DLGAP1: variants seen among roughly 807,000 people sequenced by gnomAD.
The protein encoded by DLGAP1 is DLG associated protein 1, also known as disks large-associated protein 1.
Under a neutral mutation model 90.8 loss-of-function variants are expected in DLGAP1, and 11 were observed. That is an observed-to-expected ratio of 0.12 (90% CI 0.08 to 0.20). The LOEUF (loss-of-function observed/expected upper bound fraction) is 0.20, where lower values mean the gene tolerates loss of function less well. Among genes scored for constraint, DLGAP1 ranks in the 10% least tolerant of loss-of-function variants. The probability of loss-of-function intolerance (pLI) is 1.00; values close to 1 mark genes in which losing one functional copy is unlikely to be tolerated. For missense variants in DLGAP1, 1,050 were observed against 1,333.8 expected (o/e 0.79, Z 3.31); for synonymous variants, 558 against 540.7 (o/e 1.03, Z -0.44).
At chr18:4,410,908 C>A (rs1193914144) in intron 1 of DLGAP1, among the ~76,000 whole-genome samples, 1 of 152,192 alleles carries the variant, frequency 6.6e-6, no homozygotes, top group East Asian at 1.9e-4. Context: ...TTTCCCAGCT[C>A]CAGGAGTTTT....
chr18:3,543,289 G>T (rs2052807392), intron 9 of DLGAP1, among the ~76,000 whole-genome samples: 1 of 150,440 alleles, frequency 6.6e-6, no homozygotes, highest in Non-Finnish European at 1.5e-5. Context: ...TCCTGCCTCA[G>T]CCTCCCCCTT....
chr18:3,984,949 A>T lies in DLGAP1; in HGVS notation c.-73+20167T>A, dbSNP rs561876684. ...ACAGGTTTATTGACCCATCCCAACC[A>T]TGCCTTGTATTCACTCAGTGAGGAG... On this transcript the variant is annotated intron_variant, in intron 3 of 12. Coordinates refer to ENST00000315677, the MANE Select transcript of DLGAP1 (RefSeq NM_004746.4). Among the ~76,000 whole-genome samples, 57 of 152,020 alleles carry T rather than the reference A, an allele frequency of 3.7e-4. 1 individual carries two copies. The South Asian group carries it at 5.0e-3, about 13-fold the overall frequency.
intron 1 of DLGAP1, among the ~76,000 whole-genome samples, chr18:4,163,591 T>C (rs1161577888): frequency 1.3e-5 from 2 of 152,190 alleles, no homozygotes; most frequent in Non-Finnish European, 2.9e-5. Flanking sequence ...CCACTGCCAA[T>C]GTCATCACAA....
chr18:3,742,568 A>G (rs992103794), intron 5 of DLGAP1, 56 bp from the exon 6 acceptor site: 188 of 1,596,242 alleles, frequency 1.2e-4, no homozygotes, highest in Non-Finnish European at 1.3e-4. Flanking sequence ...GCAGGAAGCA[A>G]TAACATGTGG....
intron 8 of DLGAP1, chr18:3,571,407 C>T (rs1209608220): frequency 6.6e-6 from 1 of 152,014 alleles, no homozygotes; most frequent in Admixed American, 6.6e-5. Flanking sequence ...CTGTGGACAC[C>T]CCATCACTAT....
intron 4 of DLGAP1, among the ~76,000 whole-genome samples, chr18:3,852,102 C>A (rs1448266396): frequency 6.6e-6 from 1 of 151,816 alleles, no homozygotes; most frequent in Non-Finnish European, 1.5e-5. Context: ...AAGAAGAAAG[C>A]CAAAACAATG....
chr18:3,629,643 G>C (rs1169661668), intron 7 of DLGAP1, among the ~76,000 whole-genome samples: 1 of 152,042 alleles, frequency 6.6e-6, no homozygotes, highest in Non-Finnish European at 1.5e-5. Flanking sequence ...CCGCACTCCA[G>C]CCTGGGCAAC....
intron 1 of DLGAP1, among the ~76,000 whole-genome samples, chr18:4,235,106 A>T (rs1326979612): frequency 6.6e-6 from 1 of 152,030 alleles, no homozygotes; most frequent in African/African-American, 2.4e-5. Flanking sequence ...TCTCTCTTCG[A>T]ACACCCTACT....
intron 7 of DLGAP1, among the ~76,000 whole-genome samples, chr18:3,641,537 CAAAAAAA>C (rs576340963): frequency 1.6e-5 from 1 of 63,312 alleles, no homozygotes; most frequent in Non-Finnish European, 3.2e-5. Context: ...AACTCCGTCT[CAAAAAAA>C]AAAAAAAAAA....
intron 1 of DLGAP1, among the ~76,000 whole-genome samples, chr18:4,390,165 T>TG (rs1555611243): frequency 1.2e-4 from 4 of 32,500 alleles, no homozygotes; most frequent in Non-Finnish European, 3.3e-4. Flanking sequence ...ACAAATTGTG[T>TG]GAAAAAAAAA....
intron 7 of DLGAP1, among the ~76,000 whole-genome samples, chr18:3,714,970 G>A (rs2061715915): frequency 6.6e-6 from 1 of 152,166 alleles, no homozygotes; most frequent in Non-Finnish European, 1.5e-5. Flanking sequence ...CACTGCAGAT[G>A]TAGTTTCTCT....
Position 4,137,022 on chromosome 18 carries a change from GTA to G in DLGAP1, c.-159+14156_-159+14157del, listed in dbSNP as rs2076414129. Among the ~76,000 whole-genome samples, 2 of 152,004 alleles carry G rather than the reference GTA, an allele frequency of 1.3e-5. 1 individual carries two copies. The highest frequency in any genetic ancestry group is 4.2e-4 in the South Asian group (2 of 4,818). Reference sequence around the variant, plus strand: ...CCATTAACTCGTCATTTAACATTAGGTATATCTCCTAATGCTATCCCTCCCCC... The same window carrying G: ...CCATTAACTCGTCATTTAACATTAGGTATCTCCTAATGCTATCCCTCCCCC... On this transcript the variant is annotated intron_variant, in intron 2 of 12. Transcript: ENST00000315677.
intron 7 of DLGAP1, chr18:3,593,659 A>G (rs2056407561): frequency 6.6e-6 from 1 of 152,176 alleles, no homozygotes; most frequent in Admixed American, 6.5e-5. Flanking sequence ...AAGACACGCC[A>G]GTTGGTAGTT....
chr18:3,543,067 G>A (rs990949716), intron 9 of DLGAP1, among the ~76,000 whole-genome samples: 9 of 151,746 alleles, frequency 5.9e-5, no homozygotes, highest in Non-Finnish European at 8.8e-5. Context: ...TGTTATTGTT[G>A]TTAATAGTAG....
At chr18:3,705,568 G>T (rs1287638302) in intron 7 of DLGAP1, among the ~76,000 whole-genome samples, 1 of 151,376 alleles carries the variant, frequency 6.6e-6, no homozygotes, top group Non-Finnish European at 1.5e-5. Flanking sequence ...TTCACCAAGG[G>T]CCCAGGACTT....
At position 3,742,497 on chromosome 18, in the gene DLGAP1, G is replaced by A; in HGVS notation, c.1188C>T (p.His396=). 4 of 1,614,176 alleles carry A rather than the reference G, an allele frequency of 2.5e-6. No homozygotes were observed. Among genetic ancestry groups the A allele is most frequent in the Non-Finnish European group, 3.4e-6 (4 of 1,180,016 alleles). The part of the protein sequence containing the change: ...ELTTLKISNE[H]SPKLQIRSHS... The stretch of plus-strand genomic sequence containing the variant: ...GACTCCGGATCTGGAGTTTGGGTGA[G>A]TGTTCATTGGAGATTCTGGAAGGGA... Residue 396 remains histidine, a synonymous_variant, in exon 6 of 13, where the codon CAC becomes CAT. Transcript: ENST00000315677.
intron 7 of DLGAP1, among the ~76,000 whole-genome samples, chr18:3,676,395 T>G (rs537721834): frequency 6.6e-6 from 1 of 152,338 alleles, no homozygotes; most frequent in East Asian, 1.9e-4. Context: ...CTTCTCTCAC[T>G]AGAGAGAGCT....
At chr18:4,188,058 G>GA (rs1410481359) in intron 1 of DLGAP1, among the ~76,000 whole-genome samples, 1 of 151,990 alleles carries the variant, frequency 6.6e-6, no homozygotes, top group Non-Finnish European at 1.5e-5. Flanking sequence ...ATTGTTTTAA[G>GA]AAAAAATTCT....
intron 2 of DLGAP1, among the ~76,000 whole-genome samples, chr18:4,098,318 T>C (rs1427253294): frequency 6.6e-6 from 1 of 152,190 alleles, no homozygotes; most frequent in African/African-American, 2.4e-5. Context: ...TTACAAAATA[T>C]GGGGAAAAGG....
Sources: gnomAD v4.1 joint callset for allele counts (sites outside exome capture counted in the v4.1 genomes callset) on GRCh38, gnomAD v4.1.1 for gene constraint, MANE v1.5 for transcripts, NCBI Gene and HGNC (gene_info 2026-07-23, HGNC 2026-07-21) for gene names.